Variants in SNRPN observed in about 807,000 individuals in gnomAD.
SNRPN encodes small nuclear ribonucleoprotein polypeptide N.
Under a neutral mutation model 25.2 loss-of-function variants are expected in SNRPN, and 7 were observed. The ratio of observed to expected loss-of-function variants is 0.28; its 90% confidence interval spans 0.16 to 0.52. The LOEUF is 0.52. SNRPN is among the 20% of genes least tolerant of loss of function. The pLI is 0.96. For synonymous variants in SNRPN, 124 were observed against 110.6 expected, an observed-to-expected ratio of 1.12 and a Z score of -0.76; for missense variants, 196 against 322.5, an observed-to-expected ratio of 0.61 and a Z score of 3.00.
chr15:24,853,425 G>A (rs1488398776), upstream of SNRPN, among the ~76,000 whole-genome samples: 1 of 149,130 alleles, frequency 6.7e-6, no homozygotes, highest in Admixed American at 6.7e-5. Flanking sequence ...GATGACTCTC[G>A]TTCTGTTGCC....
intron 1 of SNRPN, among the ~76,000 whole-genome samples, chr15:24,881,592 AGAGAGAGAGAGAGAGAGAGAGAGAGAG>A (rs1566864463): frequency 0.018 from 1,073 of 60,926 alleles, 15 homozygotes; most frequent in African/African-American, 0.068. Context: ...AGGGAGAGAG[AGAGAGAGAGAGAGAGAGAGAGAGAGAG>A]AAAGTCACAG....
At chr15:24,838,442 G>A (rs1282193443) in intron 2 of SNRPN, among the ~76,000 whole-genome samples, 5 of 152,024 alleles carry the variant, frequency 3.3e-5, no homozygotes, top group African/African-American at 4.8e-5. Context: ...AATTACCACC[G>A]TAATCAATGT....
At chr15:24,958,988 C>T (rs2074339972) in intron 1 of SNRPN, 1 of 152,168 alleles carries the variant, frequency 6.6e-6, no homozygotes, top group African/African-American at 2.4e-5. Flanking sequence ...AAAGTGCTGG[C>T]ATTGCAGCCA....
intron 2 of SNRPN, among the ~76,000 whole-genome samples, chr15:24,845,708 A>G (rs35392214): frequency 0.16 from 24,352 of 152,160 alleles, 2,499 homozygotes; most frequent in East Asian, 0.4. Flanking sequence ...TCTTACATAA[A>G]TTTTGGAATC....
At chr15:24,952,635 G>A (rs2062367941), upstream of SNRPN, among the ~76,000 whole-genome samples, 1 of 152,178 alleles carries the variant, frequency 6.6e-6, no homozygotes, top group Non-Finnish European at 1.5e-5. Context: ...AAATTATGAG[G>A]AAAGGCAGTC....
intron 2 of SNRPN, chr15:24,850,324 T>G (rs78766155): frequency 6.6e-6 from 1 of 152,196 alleles, no homozygotes; most frequent in African/African-American, 2.4e-5. Flanking sequence ...TTTTTTTTTT[T>G]GTCTGAGACG....
chr15:24,958,486 GTTTTTTTTTTTTTT>G lies in SNRPN; in HGVS notation c.-391+3445_-391+3458del, dbSNP rs71127030. ...ATTTCTGGATGCTAGCTGGCTCAAA[GTTTTTTTTTTTTTT>G]TTTTTTTTTTTTTTTTTTTTAAATA... On this transcript the variant is annotated intron_variant, in intron 1 of 9. Coordinates refer to ENST00000390687, the MANE Select transcript of SNRPN (RefSeq NM_003097.6). Among the ~76,000 whole-genome samples the G allele has an allele frequency of 8.3e-4, 54 of 65,300 alleles. 2 individuals are homozygous for G. The South Asian group carries it at 0.027, about 33-fold the overall frequency. The allele number at this position is 65,300 out of a possible 152,430, so 42.8% of individuals were successfully genotyped here.
intron 1 of SNRPN, among the ~76,000 whole-genome samples, chr15:24,961,703 G>A (rs959289077): frequency 6.6e-6 from 1 of 152,030 alleles, no homozygotes; most frequent in African/African-American, 2.4e-5. Flanking sequence ...ATATAAGTAT[G>A]TCTACTGTAT....
intron 1 of SNRPN, among the ~76,000 whole-genome samples, chr15:24,960,446 C>G (rs1020523286): frequency 8.6e-5 from 13 of 151,842 alleles, no homozygotes; most frequent in African/African-American, 3.1e-4. Flanking sequence ...GCTCAAGCGC[C>G]CTCTCACCTT....
chr15:24,938,896 T>G (rs1238683184), intron 3 of SNRPN, among the ~76,000 whole-genome samples: 1 of 152,184 alleles, frequency 6.6e-6, no homozygotes, highest in Non-Finnish European at 1.5e-5. Flanking sequence ...CAGACTGGGA[T>G]TGGTTGTTTG....
At chr15:24,974,540 G>T in intron 4 of SNRPN, 84 bp downstream of exon 4, 1 of 1,280,296 alleles carries the variant, frequency 7.8e-7, no homozygotes, top group Middle Eastern at 1.8e-4. Flanking sequence ...GTGATCTTGG[G>T]TTCTGAATGT....
intron 1 of SNRPN, among the ~76,000 whole-genome samples, chr15:24,959,346 G>T (rs1247162892): frequency 6.6e-6 from 1 of 152,132 alleles, no homozygotes; most frequent in South Asian, 2.1e-4. Context: ...GTAGATTTAA[G>T]CCAGGTGCGG....
chr15:24,960,226 C>G (rs975374343), intron 1 of SNRPN, among the ~76,000 whole-genome samples: 31 of 152,154 alleles, frequency 2.0e-4, no homozygotes, highest in African/African-American at 7.5e-4. Context: ...ATGTTACTTT[C>G]ATGATTAACA....
upstream of SNRPN, among the ~76,000 whole-genome samples, chr15:24,954,417 T>C (rs985755750): frequency 6.6e-6 from 1 of 152,220 alleles, no homozygotes; most frequent in Non-Finnish European, 1.5e-5. Flanking sequence ...AGTTTAATTA[T>C]ATTGTGATTT....
At chr15:24,842,961 T>C (rs979433624) in intron 2 of SNRPN, among the ~76,000 whole-genome samples, 1 of 152,230 alleles carries the variant, frequency 6.6e-6, no homozygotes, top group Non-Finnish European at 1.5e-5. Context: ...TCATTCTGTA[T>C]GTAATCTTTC....
intron 2 of SNRPN, among the ~76,000 whole-genome samples, chr15:24,889,278 A>C (rs1385319665): frequency 6.6e-6 from 1 of 151,826 alleles, no homozygotes; most frequent in African/African-American, 2.4e-5. Flanking sequence ...ATAATGGTTT[A>C]GTCTGTAGCA....
At chr15:24,967,359 C>T (rs1176379486) in intron 2 of SNRPN, 3 of 154,918 alleles carry the variant, frequency 1.9e-5, no homozygotes, top group African/African-American at 7.3e-5. Context: ...GATCTTCTTC[C>T]CTGGGCGTGG....
intron 3 of SNRPN, among the ~76,000 whole-genome samples, chr15:24,928,395 A>G (rs1328528075): frequency 1.3e-5 from 2 of 151,576 alleles, no homozygotes; most frequent in East Asian, 3.8e-4. Flanking sequence ...CTATTTAGCC[A>G]TAAAAAAAGA....
At chr15:24,880,519 T>C (rs1465289578) in intron 1 of SNRPN, among the ~76,000 whole-genome samples, 1 of 152,202 alleles carries the variant, frequency 6.6e-6, no homozygotes, top group Non-Finnish European at 1.5e-5. Flanking sequence ...TTTCTGTTAC[T>C]ACTTAGTCCT....
Sources: allele counts gnomAD v4.1 joint callset (sites outside exome capture counted in the v4.1 genomes callset), GRCh38; gene constraint gnomAD v4.1.1; transcripts MANE v1.5; gene names NCBI Gene and HGNC (gene_info 2026-07-23, HGNC 2026-07-21).